Variants in CSMD1 observed in about 807,000 individuals in gnomAD.
The protein encoded by CSMD1 is CUB and sushi domain-containing protein 1.
CSMD1 carries 213 observed loss-of-function variants against 417.5 expected under a neutral mutation model. The observed-to-expected ratio is 0.51, with a 90% confidence interval of 0.46 to 0.57. The LOEUF (loss-of-function observed/expected upper bound fraction) is 0.57. Among genes scored for constraint, CSMD1 ranks in the 20% least tolerant of loss-of-function variants. The pLI is 0.00. For missense variants in CSMD1, 6,923 were observed against 4,529.7 expected (o/e 1.53, Z -15.17); for synonymous variants, 2,862 against 1,736.8 (o/e 1.65, Z -16.11).
chr8:3,976,524 T>C (rs1300559136), intron 5 of CSMD1, among the ~76,000 whole-genome samples: 8 of 152,192 alleles, frequency 5.3e-5, no homozygotes, highest in Non-Finnish European at 7.3e-5. Flanking sequence ...AATAGTCAAA[T>C]ATAATATCAC....
At chr8:3,637,905 C>T (rs2117295309) in intron 7 of CSMD1, among the ~76,000 whole-genome samples, 1 of 152,282 alleles carries the variant, frequency 6.6e-6, no homozygotes, top group South Asian at 2.1e-4. Context: ...TTCCCCTGCC[C>T]ACACTCTCTT....
intron 1 of CSMD1, among the ~76,000 whole-genome samples, chr8:4,863,427 C>G (rs1262499865): frequency 6.6e-6 from 1 of 152,022 alleles, no homozygotes; most frequent in African/African-American, 2.4e-5. Context: ...ACTCAATAGA[C>G]CAGAGCATGA....
At chr8:4,596,249 T>C (rs1421456821) in intron 2 of CSMD1, among the ~76,000 whole-genome samples, 1 of 152,204 alleles carries the variant, frequency 6.6e-6, no homozygotes, top group African/African-American at 2.4e-5. Flanking sequence ...GGACAGTATA[T>C]TAACTATTGT....
intron 54 of CSMD1, among the ~76,000 whole-genome samples, chr8:2,995,428 G>T (rs1024378710): frequency 6.6e-6 from 1 of 152,164 alleles, no homozygotes; most frequent in Admixed American, 6.5e-5. Flanking sequence ...AAACTTCATC[G>T]CCCACACATG....
intron 1 of CSMD1, among the ~76,000 whole-genome samples, chr8:4,914,752 T>C (rs1805938104): frequency 2.0e-5 from 3 of 152,166 alleles, no homozygotes; most frequent in South Asian, 2.1e-4. Flanking sequence ...TAATGTGTTT[T>C]CTCAGTTTAC....
intron 10 of CSMD1, among the ~76,000 whole-genome samples, chr8:3,533,798 G>T (rs1405313473): frequency 6.6e-6 from 1 of 152,060 alleles, no homozygotes; most frequent in Admixed American, 6.6e-5. Flanking sequence ...ACAAAACCTG[G>T]AAAACATGAA....
intron 19 of CSMD1, 113 bp downstream of exon 19, chr8:3,369,141 C>T (rs1809790101): frequency 3.4e-6 from 2 of 582,444 alleles, no homozygotes; most frequent in Non-Finnish European, 6.2e-6. Flanking sequence ...TTGAACTATA[C>T]ATGAGAAAAG....
At chr8:4,080,215 T>C (rs369420777) in intron 3 of CSMD1, among the ~76,000 whole-genome samples, 8 of 152,094 alleles carry the variant, frequency 5.3e-5, no homozygotes, top group Admixed American at 1.3e-4. Flanking sequence ...GTAGTAATAG[T>C]TGTCTCCTCC....
At chr8:3,641,038 T>TTTTTTTTTTTTTTTTTTC in intron 7 of CSMD1, among the ~76,000 whole-genome samples, 1 of 148,422 alleles carries the variant, frequency 6.7e-6, no homozygotes. Context: ...TTTTTTTTTT[T>TTTTTTTTTTTTTTTTTTC]TTTTTTTTTG....
intron 3 of CSMD1, among the ~76,000 whole-genome samples, chr8:4,276,498 G>A (rs1010874154): frequency 1.3e-5 from 2 of 152,112 alleles, no homozygotes; most frequent in African/African-American, 2.4e-5. Context: ...TACAGATGAC[G>A]GGTTAGTGGG....
chr8:3,400,969 TTA>T, intron 15 of CSMD1, among the ~76,000 whole-genome samples: 1 of 151,646 alleles, frequency 6.6e-6, no homozygotes, highest in Non-Finnish European at 1.5e-5. Context: ...AAAATTATAC[TTA>T]TTAATATTTT....
chr8:4,034,352 T>G (rs1797508431), intron 3 of CSMD1, among the ~76,000 whole-genome samples: 1 of 152,224 alleles, frequency 6.6e-6, no homozygotes, highest in Non-Finnish European at 1.5e-5. Flanking sequence ...TTCTAGTTTT[T>G]AAGAAGTAAT....
At chr8:3,905,174 C>G (rs1418233680) in intron 5 of CSMD1, among the ~76,000 whole-genome samples, 2 of 151,964 alleles carry the variant, frequency 1.3e-5, no homozygotes, top group Admixed American at 6.6e-5. Flanking sequence ...AACAGGCAAA[C>G]ATAGAAAAAA....
rs1365531691 is a variant in CSMD1, at chr8:3,723,189, A to G, written c.932-14698T>C. On this transcript the variant is annotated intron_variant, in intron 6 of 69. Transcript: ENST00000635120. ...GGCTAATGAAGGGGCCACTCGGGGCACTCAGGGAAGCTTGTGGCCATGGAC... is the reference window on the plus strand; with the variant it reads ...GGCTAATGAAGGGGCCACTCGGGGCGCTCAGGGAAGCTTGTGGCCATGGAC... Among the ~76,000 whole-genome samples the G allele has an allele frequency of 2.6e-5, 4 of 152,174 alleles. No individual in the cohort carries two copies. In the East Asian group the frequency reaches 7.7e-4, roughly 29 times the overall value.
At chr8:3,722,997 C>G (rs1244869897) in intron 6 of CSMD1, among the ~76,000 whole-genome samples, 1 of 152,198 alleles carries the variant, frequency 6.6e-6, no homozygotes, top group African/African-American at 2.4e-5. Context: ...CCCAATTCTG[C>G]AGGTGAAGCT....
chr8:3,806,939 T>G (rs1454804143), intron 5 of CSMD1, among the ~76,000 whole-genome samples: 1 of 152,158 alleles, frequency 6.6e-6, no homozygotes, highest in South Asian at 2.1e-4. Flanking sequence ...AATTGTCAGA[T>G]AGGATTTAAT....
intron 10 of CSMD1, among the ~76,000 whole-genome samples, chr8:3,529,030 G>A (rs1007733374): frequency 6.6e-6 from 1 of 152,128 alleles, no homozygotes; most frequent in Non-Finnish European, 1.5e-5. Context: ...TCTCAACAGA[G>A]CTTTCGAACA....
chr8:4,920,504 T>A (rs984939581), intron 1 of CSMD1, among the ~76,000 whole-genome samples: 1 of 152,128 alleles, frequency 6.6e-6, no homozygotes, highest in African/African-American at 2.4e-5. Context: ...AAGGATTTAG[T>A]TACTGGGGAC....
At chr8:4,584,839 C>G (rs1799620349) in intron 2 of CSMD1, among the ~76,000 whole-genome samples, 1 of 152,064 alleles carries the variant, frequency 6.6e-6, no homozygotes, top group South Asian at 2.1e-4. Flanking sequence ...CTAGTTTCTC[C>G]TATAAGAAAA....
Sources: gnomAD v4.1 joint callset for allele counts (sites outside exome capture counted in the v4.1 genomes callset) on GRCh38, gnomAD v4.1.1 for gene constraint, MANE v1.5 for transcripts, NCBI Gene and HGNC (gene_info 2026-07-23, HGNC 2026-07-21) for gene names.